ANKRD36: variants seen among roughly 807,000 people sequenced by gnomAD.
ANKRD36 encodes the protein ankyrin repeat domain-containing protein 36A.
In ANKRD36, 179 loss-of-function variants were observed where a neutral mutation model predicts 278.1. The observed-to-expected ratio is 0.64, with a 90% CI of 0.57 to 0.73. The LOEUF is 0.73. Ranked by LOEUF, ANKRD36 falls within the 30% of genes least tolerant of loss-of-function variation. The pLI, the probability that ANKRD36 is intolerant of heterozygous loss-of-function variation, is 0.00. For missense variants in ANKRD36, 1,159 were observed against 1,956.7 expected, an observed-to-expected ratio of 0.59 and a Z score of 7.69; for synonymous variants, 320 against 641.1, an observed-to-expected ratio of 0.50 and a Z score of 7.57.
At chr2:97,230,529 A>T (rs2071585212) in intron 67 of ANKRD36, among the ~76,000 whole-genome samples, 1 of 152,042 alleles carries the variant, frequency 6.6e-6, no homozygotes, top group Admixed American at 6.5e-5. Flanking sequence ...TATTCTAGGT[A>T]TACATTCGTC....
chr2:97,229,615 T>C (rs1001616520), intron 67 of ANKRD36, among the ~76,000 whole-genome samples: 5 of 152,234 alleles, frequency 3.3e-5, no homozygotes, highest in Admixed American at 2.6e-4. Flanking sequence ...TGTCTTTTAA[T>C]TGGAGCATTT....
chr2:97,190,166 C>A (rs184562173), intron 34 of ANKRD36, among the ~76,000 whole-genome samples: 6,029 of 91,054 alleles, frequency 0.066, 809 homozygotes, highest in East Asian at 0.14. Flanking sequence ...CTAATTAACT[C>A]CTAAAATGGT....
At chr2:97,227,766 G>A (rs2070388459) in intron 67 of ANKRD36, among the ~76,000 whole-genome samples, 1 of 152,102 alleles carries the variant, frequency 6.6e-6, no homozygotes, top group African/African-American at 2.4e-5. Flanking sequence ...GATATTGGCT[G>A]TGGGTTTGTC....
At chr2:97,145,425 T>C (rs919607325) in intron 10 of ANKRD36, among the ~76,000 whole-genome samples, 7 of 151,960 alleles carry the variant, frequency 4.6e-5, no homozygotes, top group African/African-American at 1.7e-4. Context: ...GTGAGTCAAA[T>C]GAGATAAATG....
chr2:97,214,605 G>GA (rs2065460046), intron 60 of ANKRD36, among the ~76,000 whole-genome samples: 1 of 146,642 alleles, frequency 6.8e-6, no homozygotes, highest in South Asian at 2.2e-4. Context: ...ATTGATAATT[G>GA]ATGATGCTTT....
chr2:97,173,706 G>A (rs1465144712), intron 22 of ANKRD36, among the ~76,000 whole-genome samples: 1 of 151,748 alleles, frequency 6.6e-6, no homozygotes, highest in Admixed American at 6.6e-5. Flanking sequence ...AAAGCAGCTA[G>A]TGAGGTAATT....
At chr2:97,175,199 T>G (rs1449126078) in intron 22 of ANKRD36, among the ~76,000 whole-genome samples, 3 of 149,892 alleles carry the variant, frequency 2.0e-5, no homozygotes, top group Non-Finnish European at 3.0e-5. Flanking sequence ...TCAGAAGGAA[T>G]GGTACCAGTT....
chr2:97,117,047 CTTTT>C (rs58474116), intron 1 of ANKRD36, among the ~76,000 whole-genome samples: 1 of 143,540 alleles, frequency 7.0e-6, no homozygotes, highest in Non-Finnish European at 1.5e-5. Context: ...TCTTTTATTC[CTTTT>C]TTTTTTTTTT....
At chr2:97,165,068 A>G (rs1372816621) in intron 20 of ANKRD36, among the ~76,000 whole-genome samples, 1 of 152,164 alleles carries the variant, frequency 6.6e-6, no homozygotes, top group African/African-American at 2.4e-5. Context: ...TTCTACTACT[A>G]TTTATTGCCT....
intron 42 of ANKRD36, among the ~76,000 whole-genome samples, chr2:97,197,661 G>T (rs1318295338): frequency 6.6e-6 from 1 of 151,886 alleles, no homozygotes; most frequent in African/African-American, 2.4e-5. Context: ...CTCCTAAACT[G>T]GTCATTTTCA....
At position 97,206,488 on chromosome 2, in the gene ANKRD36, C is replaced by T. The variant is rs773834547; in HGVS notation, c.3163+353C>T. Among the ~76,000 whole-genome samples the T allele has an allele frequency of 2.1e-4, 32 of 151,416 alleles. 1 individual carries two copies. The highest frequency in any genetic ancestry group is 3.1e-4 in the Non-Finnish European group (21 of 67,694). ...AGTATCGATTTTACAGATGTCACAT[C>T]ATACTGCTAAAAACAGACAGAAAAC... On this transcript the variant is annotated intron_variant, in intron 52 of 75. Transcript: ENST00000420699.
chr2:97,114,153 G>T (rs2034473569), intron 1 of ANKRD36, among the ~76,000 whole-genome samples: 1 of 106,666 alleles, frequency 9.4e-6, no homozygotes, highest in Non-Finnish European at 1.9e-5. Context: ...GATGGGAGTG[G>T]GGAGTAGGGG....
intron 62 of ANKRD36, chr2:97,216,945 CAT>C: frequency 9.6e-7 from 1 of 1,044,172 alleles, no homozygotes; most frequent in Admixed American, 2.1e-5. Context: ...TAGTTTTAGA[CAT>C]ATGACAAATC....
intron 8 of ANKRD36, among the ~76,000 whole-genome samples, chr2:97,143,133 T>G (rs1041186701): frequency 2.0e-5 from 3 of 151,684 alleles, no homozygotes; most frequent in African/African-American, 7.3e-5. Context: ...CATAGTTCCA[T>G]CATAAAGGGA....
chr2:97,161,468 G>C lies in ANKRD36; in HGVS notation c.1390-631G>C, dbSNP rs777530753. 9.9e-5 allele frequency among the ~76,000 whole-genome samples: 15 copies of C among 151,810 alleles called. 1 individual carries two copies. The highest frequency in any genetic ancestry group is 2.6e-4 in the Admixed American group (4 of 15,202). On this transcript the variant is annotated intron_variant, in intron 17 of 75. Coordinates refer to ENST00000420699, the MANE Select transcript of ANKRD36 (RefSeq NM_001354587.1). The stretch of plus-strand genomic sequence containing the variant: ...TCTGCCCTATACTTTTGGAATGTTC[G>C]TTTTTGTTTCTCTCTTCTCCCCATG...
intron 17 of ANKRD36, among the ~76,000 whole-genome samples, chr2:97,160,914 C>A (rs1342805647): frequency 1.3e-5 from 2 of 151,974 alleles, no homozygotes; most frequent in South Asian, 4.2e-4. Context: ...CCATAATATT[C>A]CAGAAATAAA....
At chr2:97,154,587 G>T in intron 14 of ANKRD36, 88 bp from the exon 15 acceptor site, 1 of 1,067,860 alleles carries the variant, frequency 9.4e-7, no homozygotes, top group South Asian at 1.4e-5. Flanking sequence ...ATTTTTTTTG[G>T]AGGGGACCTG....
At chr2:97,227,492 C>T (rs1576376832) in intron 67 of ANKRD36, among the ~76,000 whole-genome samples, 1 of 152,118 alleles carries the variant, frequency 6.6e-6, no homozygotes, top group South Asian at 2.1e-4. Context: ...TGAGACTTTG[C>T]TGAAGTTGCT....
intron 1 of ANKRD36, among the ~76,000 whole-genome samples, chr2:97,117,169 C>G (rs1030204587): frequency 2.0e-5 from 3 of 151,236 alleles, no homozygotes; most frequent in Non-Finnish European, 4.4e-5. Context: ...TTGCAAATAC[C>G]TAATTTACAT....
Sources: gnomAD v4.1 joint callset for allele counts (sites outside exome capture counted in the v4.1 genomes callset) on GRCh38, gnomAD v4.1.1 for gene constraint, MANE v1.5 for transcripts, NCBI Gene and HGNC (gene_info 2026-07-23, HGNC 2026-07-21) for gene names.